Variants in ARID1B observed in about 807,000 individuals in gnomAD.
The protein encoded by ARID1B is AT-rich interaction domain 1B.
A neutral mutation model predicts 212.3 loss-of-function variants in ARID1B; 30 were observed. The ratio of observed to expected loss-of-function variants is 0.14; its 90% confidence interval spans 0.11 to 0.19. ARID1B has a LOEUF of 0.19. ARID1B is among the 10% of genes least tolerant of loss of function. The probability of loss-of-function intolerance (pLI) is 1.00; values close to 1 mark genes in which losing one functional copy is unlikely to be tolerated. For missense variants in ARID1B, 2,891 were observed against 3,204.0 expected, an observed-to-expected ratio of 0.90 and a Z score of 2.36; for synonymous variants, 1,402 against 1,301.7, an observed-to-expected ratio of 1.08 and a Z score of -1.66.
chr6:157,161,159 AT>A lies in ARID1B; in HGVS notation c.3090-5873del, dbSNP rs564074879. ...TCCCTGAGCAAAAGGGGTAGAATCTATTTTTTTTAGTAGCATATGGTTATAT... is the reference window on the plus strand; with the variant it reads ...TCCCTGAGCAAAAGGGGTAGAATCTATTTTTTTAGTAGCATATGGTTATAT... On this transcript the variant is annotated intron_variant, in intron 8 of 19. Transcript: ENST00000636930. 6.6e-5 allele frequency among the ~76,000 whole-genome samples: 10 copies of A among 152,016 alleles called. No homozygotes were observed. The South Asian group carries it at 1.9e-3, about 28-fold the overall frequency.
At chr6:156,925,614 T>A (rs1791152910) in intron 3 of ARID1B, among the ~76,000 whole-genome samples, 1 of 152,214 alleles carries the variant, frequency 6.6e-6, no homozygotes, top group African/African-American at 2.4e-5. Context: ...GACTCATTAA[T>A]AATATATATA....
At chr6:157,106,785 A>C (rs900725442) in intron 5 of ARID1B, among the ~76,000 whole-genome samples, 1 of 152,206 alleles carries the variant, frequency 6.6e-6, no homozygotes, top group Admixed American at 6.5e-5. Context: ...TGTGTCTGCC[A>C]CAGTGAGTGA....
chr6:157,014,688 A>G (rs1583147683), intron 4 of ARID1B, among the ~76,000 whole-genome samples: 1 of 152,232 alleles, frequency 6.6e-6, no homozygotes, highest in Non-Finnish European at 1.5e-5. Context: ...CATTGAATTA[A>G]TCAGTGTTTT....
intron 2 of ARID1B, among the ~76,000 whole-genome samples, chr6:156,883,248 T>G (rs1192060672): frequency 6.6e-6 from 1 of 152,168 alleles, no homozygotes; most frequent in Non-Finnish European, 1.5e-5. Flanking sequence ...GGGTAGTAGT[T>G]ATAATTTCTT....
chr6:156,854,109 C>T (rs1784754970), intron 2 of ARID1B, among the ~76,000 whole-genome samples: 1 of 152,106 alleles, frequency 6.6e-6, no homozygotes. Flanking sequence ...AAAAAACAAA[C>T]TTTTTTTGGT....
chr6:156,972,363 G>C (rs1479409022), intron 4 of ARID1B, among the ~76,000 whole-genome samples: 1 of 152,174 alleles, frequency 6.6e-6, no homozygotes, highest in Admixed American at 6.5e-5. Context: ...TGGTTGCATG[G>C]TGGCACCTGT....
intron 3 of ARID1B, among the ~76,000 whole-genome samples, chr6:156,930,738 T>C (rs1023849913): frequency 2.2e-4 from 34 of 152,176 alleles, no homozygotes; most frequent in African/African-American, 7.0e-4. Context: ...AAAGTAGATA[T>C]TTAGTTGCAG....
At chr6:157,066,641 G>A (rs1047287465) in intron 4 of ARID1B, among the ~76,000 whole-genome samples, 7 of 152,068 alleles carry the variant, frequency 4.6e-5, no homozygotes, top group African/African-American at 1.7e-4. Flanking sequence ...TAGTCCCTTC[G>A]TTAGGATACT....
At chr6:157,007,295 GTT>G (rs905534599) in intron 4 of ARID1B, among the ~76,000 whole-genome samples, 7 of 152,264 alleles carry the variant, frequency 4.6e-5, no homozygotes, top group African/African-American at 1.7e-4. Context: ...ATTTCCCCTA[GTT>G]TTCTAAGTTT....
intron 4 of ARID1B, among the ~76,000 whole-genome samples, chr6:157,012,553 T>C (rs892309687): frequency 2.6e-5 from 4 of 152,238 alleles, no homozygotes; most frequent in African/African-American, 7.2e-5. Context: ...TGTCAGTAGT[T>C]GACTCTAGCC....
Position 157,207,213 on chromosome 6 carries a change from G to C in ARID1B, c.6441G>C (p.Thr2147=), listed in dbSNP as rs371980859. 2 of 1,614,184 alleles carry C rather than the reference G, an allele frequency of 1.2e-6. No individual in the cohort carries two copies. Among genetic ancestry groups the C allele is most frequent in the Non-Finnish European group, 8.5e-7 (1 of 1,180,040 alleles). ...GCCTCGAGGTCTTGAGGGATAACAC[G>C]TTGGTCACGTTGGCCAACATTTCCG... ...WDCLEVLRDN[T]LVTLANISGQ... The change falls in exon 20 of 20, where the codon ACG becomes ACC. Residue 2147 remains threonine, a synonymous_variant. Coordinates refer to ENST00000636930, the MANE Select transcript of ARID1B (RefSeq NM_001374828.1). This position sits in a 1 kb window ranked among gnomAD's most constrained non-coding sequence, Gnocchi z 8.5.
intron 2 of ARID1B, among the ~76,000 whole-genome samples, chr6:156,838,032 A>G (rs1009003599): frequency 1.3e-5 from 2 of 152,202 alleles, no homozygotes; most frequent in African/African-American, 4.8e-5. Flanking sequence ...TCTTATGGAG[A>G]AGTGTGTTTA....
intron 13 of ARID1B, among the ~76,000 whole-genome samples, chr6:157,187,553 G>C (rs1045093602): frequency 3.3e-5 from 5 of 152,166 alleles, no homozygotes; most frequent in Admixed American, 2.0e-4. Context: ...TTCGTGCCGG[G>C]TAAATTATCT....
upstream of ARID1B, chr6:156,777,082 A>G (rs1778663531): frequency 6.6e-6 from 1 of 152,218 alleles, no homozygotes; most frequent in African/African-American, 2.4e-5. Flanking sequence ...CCACCTTTGT[A>G]TCGTTCCTTT....
chr6:157,208,158 A>G lies in ARID1B; in HGVS notation c.*267A>G, dbSNP rs1174323913. The G allele has an allele frequency of 6.1e-6, 2 of 328,196 alleles. No individual in the cohort carries two copies. Among genetic ancestry groups the G allele is most frequent in the Non-Finnish European group, 5.4e-6 (1 of 183,514 alleles). 20.3% of individuals were successfully genotyped at this position (328,196 alleles called of 1,614,324 possible). A position where few individuals can be genotyped will look rare whatever the true frequency, so the allele number is the denominator to read the frequency against. On this transcript the variant is annotated 3_prime_UTR_variant, in exon 20 of 20. Coordinates refer to ENST00000636930, the MANE Select transcript of ARID1B (RefSeq NM_001374828.1). ...CCAAAGTTGCTGTCTAGTGCATTCA[A>G]AGGTCACTTTTTGTTCTTCACAGAT...
intron 4 of ARID1B, among the ~76,000 whole-genome samples, chr6:157,044,072 A>T (rs1206954010): frequency 6.6e-6 from 1 of 152,242 alleles, no homozygotes; most frequent in African/African-American, 2.4e-5. Context: ...CTTATGTCAG[A>T]GAAAAATCCA....
intron 4 of ARID1B, among the ~76,000 whole-genome samples, chr6:157,083,433 C>A (rs1030088259): frequency 6.6e-6 from 1 of 152,168 alleles, no homozygotes; most frequent in African/African-American, 2.4e-5. Flanking sequence ...CTGATGGGGG[C>A]CTCCATGGGA....
chr6:156,814,325 G>A (rs1781815248), intron 1 of ARID1B, among the ~76,000 whole-genome samples: 1 of 152,006 alleles, frequency 6.6e-6, no homozygotes, highest in Non-Finnish European at 1.5e-5. Context: ...GGGCTGAGGT[G>A]GGAGGATCAC....
intron 2 of ARID1B, among the ~76,000 whole-genome samples, chr6:156,848,219 A>G (rs1583155344): frequency 6.6e-6 from 1 of 152,220 alleles, no homozygotes; most frequent in Admixed American, 6.5e-5. Flanking sequence ...CTTCAGTTGT[A>G]CTGTTGCTGT....
Sources: gnomAD v4.1 joint callset for allele counts (sites outside exome capture counted in the v4.1 genomes callset) on GRCh38, gnomAD v4.1.1 for gene constraint, Gnocchi (gnomAD v3.1) non-coding constraint, MANE v1.5 for transcripts, NCBI Gene and HGNC (gene_info 2026-07-23, HGNC 2026-07-21) for gene names.